Variants in ZNF655 observed in about 807,000 individuals in gnomAD.
ZNF655 encodes the protein Vav-interacting Kruppel-like protein 1.
Under a neutral mutation model 6.6 loss-of-function variants are expected in ZNF655, and 3 were observed. That is an observed-to-expected ratio of 0.46 (90% CI 0.21 to 1.18). The LOEUF (loss-of-function observed/expected upper bound fraction) is 1.18. Ranked by LOEUF, ZNF655 falls within the 50% of genes most tolerant of loss-of-function variation. ZNF655 has a pLI of 0.24. For synonymous variants in ZNF655, 178 were observed against 195.0 expected, an observed-to-expected ratio of 0.91 and a Z score of 0.73; for missense variants, 526 against 572.3, an observed-to-expected ratio of 0.92 and a Z score of 0.83.
intron 2 of ZNF655, among the ~76,000 whole-genome samples, chr7:99,569,526 G>C (rs1481147817): frequency 6.6e-6 from 1 of 151,976 alleles, no homozygotes; most frequent in Non-Finnish European, 1.5e-5. Flanking sequence ...GTGCAGGTTT[G>C]AAAACTAAGC....
In ZNF655 at chr7:99,560,576, C is replaced by T. The variant is rs548534730; in HGVS notation, c.17C>T (p.Ala6Val). The change falls in exon 2 of 3, where the codon GCC becomes GTC. Residue 6 changes from alanine to valine, a missense_variant. Coordinates refer to ENST00000252713, the MANE Select transcript of ZNF655 (RefSeq NM_138494.3). The stretch of plus-strand genomic sequence containing the variant: ...AGAGCAGTGATGGAGGAAATACCAG[C>T]CCAGGAAGCAGCAGGGTCACCAAGG... MEEIP[A>V]QEAAGSPRVQ... 5.0e-6 allele frequency: 8 copies of T among 1,614,056 alleles called. No homozygotes were observed. The African/African-American group carries it at 9.3e-5, about 19-fold the overall frequency.
At position 99,575,562 on chromosome 7, in the gene ZNF655, A is replaced by G. The variant is rs1221021861; in HGVS notation, c.*1978A>G. Reference sequence around the variant, plus strand: ...AAAAAAACACAAAAAAACAAAAACAAAAAACCATACACACACACACACACA... The same window carrying G: ...AAAAAAACACAAAAAAACAAAAACAGAAAACCATACACACACACACACACA... On this transcript the variant is annotated 3_prime_UTR_variant, in exon 3 of 3. Transcript: ENST00000252713. 4 of 144,132 alleles carry G rather than the reference A, an allele frequency of 2.8e-5. No homozygotes were observed. The highest frequency in any genetic ancestry group is 1.9e-4 in the East Asian group (1 of 5,168). The allele number at this position is 144,132 out of a possible 1,614,324, so 8.9% of individuals were successfully genotyped here.
intron 2 of ZNF655, chr7:99,562,477 G>A: frequency 6.2e-7 from 1 of 1,613,362 alleles, no homozygotes. Flanking sequence ...GAGAATTATG[G>A]GAACGTGGTC....
At chr7:99,569,736 T>C (rs577842331) in intron 2 of ZNF655, among the ~76,000 whole-genome samples, 163 of 152,348 alleles carry the variant, frequency 1.1e-3, no homozygotes, top group South Asian at 1.2e-3. Flanking sequence ...ATGGTACTGA[T>C]GATACCCTGT....
At chr7:99,568,129 A>G (rs978708709) in intron 2 of ZNF655, among the ~76,000 whole-genome samples, 16 of 152,068 alleles carry the variant, frequency 1.1e-4, no homozygotes, top group Non-Finnish European at 2.4e-4. Context: ...TTTGGAAAGA[A>G]TAGCAAGCGA....
chr7:99,566,784 G>A (rs1164176857), intron 2 of ZNF655, among the ~76,000 whole-genome samples: 1 of 152,092 alleles, frequency 6.6e-6, no homozygotes, highest in East Asian at 1.9e-4. Flanking sequence ...TGAACTCCTG[G>A]GCTCAAGTGA....
At chr7:99,564,175 C>T (rs1247589323) in intron 2 of ZNF655, 4 of 1,426,492 alleles carry the variant, frequency 2.8e-6, no homozygotes, top group Non-Finnish European at 3.6e-6. Context: ...AGGAAGCCCT[C>T]TGTTGCAACC....
In ZNF655 at chr7:99,572,464, G is replaced by T. The variant is rs765878612; in HGVS notation, c.356G>T (p.Ser119Ile). Residue 119 changes from serine to isoleucine, a missense_variant, in exon 3 of 3, where the codon AGC becomes ATC. Transcript: ENST00000252713. ...LEREFRQITI[S>I]KETFTSEKNN... The stretch of plus-strand genomic sequence containing the variant: ...AGAGAGTTTAGGCAAATAACAATCA[G>T]CAAGGAAACCTTCACCAGTGAGAAG... 1.5e-5 allele frequency: 24 copies of T among 1,613,738 alleles called. No individual in the cohort carries two copies. In the Admixed American group the frequency reaches 3.5e-4, roughly 24 times the overall value.
intron 2 of ZNF655, chr7:99,562,064 G>T: frequency 8.1e-7 from 1 of 1,231,350 alleles, no homozygotes; most frequent in Non-Finnish European, 1.1e-6. Flanking sequence ...ACCTTGCCTG[G>T]AATTTTTTTC....
rs1804361452 is a variant in ZNF655 at position 99,575,758 on chromosome 7, AC to A, written c.*2175del. On this transcript the variant is annotated 3_prime_UTR_variant, in exon 3 of 3. Coordinates refer to ENST00000252713, the MANE Select transcript of ZNF655 (RefSeq NM_138494.3). The stretch of plus-strand genomic sequence containing the variant: ...TCTGCTCCTCTCTCATCAATCCAGG[AC>A]AGTATTTGAAGTGTGAGGGCTTTGT... 6.6e-6 allele frequency: 1 copy of A among 152,272 alleles called. No homozygotes were observed. Among genetic ancestry groups the A allele is most frequent in the Non-Finnish European group, 1.5e-5 (1 of 68,026 alleles). The allele number at this position is 152,272 out of a possible 1,614,324, so 9.4% of individuals were successfully genotyped here.
rs1312264119 is a variant in ZNF655 at position 99,575,929 on chromosome 7, G to C, written c.*2345G>C. 2 of 152,180 alleles carry C rather than the reference G, an allele frequency of 1.3e-5. No homozygotes were observed. Among genetic ancestry groups the C allele is most frequent in the African/African-American group, 4.8e-5 (2 of 41,448 alleles). 9.4% of individuals were successfully genotyped at this position (152,180 alleles called of 1,614,324 possible). On this transcript the variant is annotated 3_prime_UTR_variant, in exon 3 of 3. Coordinates refer to ENST00000252713, the MANE Select transcript of ZNF655 (RefSeq NM_138494.3). ...CATCATATACCTAACAAGAGTTCAT[G>C]ATTCTTTAGGTAATGTCAAAACATT... is the stretch of plus-strand genomic sequence containing the variant.
chr7:99,572,128 A>G, intron 2 of ZNF655, 117 bp from the exon 3 acceptor site: 3 of 1,156,646 alleles, frequency 2.6e-6, no homozygotes, highest in Non-Finnish European at 3.5e-6. Context: ...TTTCAGAGTA[A>G]ATAAACTTTT....
chr7:99,571,608 A>C (rs1379741518), intron 2 of ZNF655: 1 of 1,156,540 alleles, frequency 8.6e-7, no homozygotes, highest in Admixed American at 2.4e-5. Context: ...TGTCTCTCTT[A>C]ATCATTAGTT....
intron 2 of ZNF655, chr7:99,564,098 A>G (rs1803445112): frequency 1.3e-6 from 2 of 1,558,096 alleles, no homozygotes; most frequent in African/African-American, 2.8e-5. Flanking sequence ...GCTCCCCAGG[A>G]TGCCACCACT....
chr7:99,562,572 G>A, intron 2 of ZNF655: 1 of 1,483,570 alleles, frequency 6.7e-7, no homozygotes. Context: ...TAAGGTCTCT[G>A]AGAAGGTCTG....
In ZNF655 at chr7:99,569,235, TTAAA is replaced by T. The variant is rs377590357; in HGVS notation, c.137-3005_137-3002del. Among the ~76,000 whole-genome samples, 502 of 152,342 alleles carry T rather than the reference TTAAA, an allele frequency of 3.3e-3. 3 individuals are homozygous for T. The highest frequency in any genetic ancestry group is 9.7e-3 in the African/African-American group (404 of 41,578). On this transcript the variant is annotated intron_variant, in intron 2 of 2. Coordinates refer to ENST00000252713, the MANE Select transcript of ZNF655 (RefSeq NM_138494.3). The stretch of plus-strand genomic sequence containing the variant: ...TAAATCATATTAGAAAACTCAAGAT[TTAAA>T]TAAAATCAAAAAGTTTTAATACATT...
Position 99,575,540 on chromosome 7 carries a change from AAAAC to A in ZNF655, c.*1958_*1961del, listed in dbSNP as rs1490994606. ...CGACAGAGCAGGACTCTCTCTCAAA[AAAAC>A]ACAAAAAAACAAAAACAAAAAACCA... On this transcript the variant is annotated 3_prime_UTR_variant, in exon 3 of 3. Transcript: ENST00000252713. 2.0e-5 allele frequency: 3 copies of A among 150,440 alleles called. No homozygotes were observed. The highest frequency in any genetic ancestry group is 7.5e-5 in the African/African-American group (3 of 40,102). The allele number at this position is 150,440 out of a possible 1,614,324, so 9.3% of individuals were successfully genotyped here.
intron 2 of ZNF655, among the ~76,000 whole-genome samples, chr7:99,567,572 C>T (rs1803725686): frequency 6.6e-6 from 1 of 151,724 alleles, no homozygotes; most frequent in South Asian, 2.1e-4. Context: ...TCAAGAGAAC[C>T]TGCTACTAAT....
In ZNF655 at chr7:99,564,226, G is replaced by A. The variant is rs1158587036; in HGVS notation, c.136+3531G>A. On this transcript the variant is annotated intron_variant, in intron 2 of 2. Transcript: ENST00000252713. ...CCAGTTCATTCAGAAACCATGGTTG[G>A]TGGTCATCATCTACTTGTATTGTGA... 1.8e-5 allele frequency: 24 copies of A among 1,361,870 alleles called. No individual in the cohort carries two copies. The Admixed American group carries it at 2.6e-4, about 15-fold the overall frequency. The allele number at this position is 1,361,870 out of a possible 1,614,324, so 84.4% of individuals were successfully genotyped here. A position where few individuals can be genotyped will look rare whatever the true frequency, so the allele number is the denominator to read the frequency against.
Sources: allele counts gnomAD v4.1 joint callset (sites outside exome capture counted in the v4.1 genomes callset), GRCh38; gene constraint gnomAD v4.1.1; transcripts MANE v1.5; gene names NCBI Gene and HGNC (gene_info 2026-07-23, HGNC 2026-07-21).